Variants in ARPP21 observed in about 807,000 individuals in gnomAD.
ARPP21 encodes cAMP-regulated phosphoprotein 21.
Under a neutral mutation model 113.2 loss-of-function variants are expected in ARPP21, and 69 were observed. The observed-to-expected ratio is 0.61, with a 90% CI of 0.50 to 0.74. The LOEUF (loss-of-function observed/expected upper bound fraction) is 0.74, where lower values mean the gene tolerates loss of function less well. Ranked by LOEUF, ARPP21 falls within the 30% of genes least tolerant of loss-of-function variation. ARPP21 has a pLI of 0.00. For synonymous variants in ARPP21, 368 were observed against 375.5 expected (o/e 0.98, Z 0.23); for missense variants, 1,070 against 1,037.4 (o/e 1.03, Z -0.43).
chr3:35,653,192 C>T, intron 1 of ARPP21, among the ~76,000 whole-genome samples: 1 of 152,158 alleles, frequency 6.6e-6, no homozygotes, highest in Non-Finnish European at 1.5e-5. Flanking sequence ...ATGTCCATAC[C>T]TATCTACTTT....
At chr3:35,773,348 A>G (rs1477790752) in intron 19 of ARPP21, among the ~76,000 whole-genome samples, 1 of 152,126 alleles carries the variant, frequency 6.6e-6, no homozygotes, top group Non-Finnish European at 1.5e-5. Flanking sequence ...TTTACAGATG[A>G]TGGAAGTAGA....
At chr3:35,706,092 A>G (rs1259663980) in intron 9 of ARPP21, among the ~76,000 whole-genome samples, 2 of 152,162 alleles carry the variant, frequency 1.3e-5, no homozygotes, top group Admixed American at 6.5e-5. Context: ...TTCAGAAGTA[A>G]TATATCAGAT....
In ARPP21 at chr3:35,737,227, C is replaced by T. The variant is rs759756396; in HGVS notation, c.1509C>T (p.Pro503=). The T allele has an allele frequency of 5.6e-6, 9 of 1,613,066 alleles. No individual in the cohort carries two copies. In the East Asian group the frequency reaches 1.3e-4, roughly 24 times the overall value. The change falls in exon 16 of 21, where the codon CCC becomes CCT. Residue 503 remains proline (P), a synonymous_variant. Transcript: ENST00000684406. ...PDGTPAIYNP[P]TSQQPLRSAM... ...GAACTCCTGCAATATACAACCCACC[C>T]ACCAGTCAGCAGCCCCTGCGAAGCG...
At chr3:35,644,900 C>A (rs1699608899) in intron 1 of ARPP21, among the ~76,000 whole-genome samples, 1 of 151,784 alleles carries the variant, frequency 6.6e-6, no homozygotes, top group Non-Finnish European at 1.5e-5. Context: ...TGTATAACCC[C>A]CATTTAATAT....
intron 18 of ARPP21, among the ~76,000 whole-genome samples, chr3:35,741,921 G>A (rs1414355259): frequency 2.0e-5 from 3 of 152,062 alleles, no homozygotes; most frequent in African/African-American, 7.2e-5. Context: ...TAACCAAAGC[G>A]CCACCTTGGA....
chr3:35,707,851 CA>C lies in ARPP21; in HGVS notation c.795+781del, dbSNP rs201653445. Among the ~76,000 whole-genome samples, 1,068 of 133,600 alleles carry C rather than the reference CA, an allele frequency of 8.0e-3. 5 individuals carry two copies. Among genetic ancestry groups the C allele is most frequent in the East Asian group, 0.038 (176 of 4,632 alleles). The allele number at this position is 133,600 out of a possible 152,430, so 87.6% of individuals were successfully genotyped here. On this transcript the variant is annotated intron_variant, in intron 10 of 20. Coordinates refer to ENST00000684406, the MANE Select transcript of ARPP21 (RefSeq NM_001385562.1). ...GATTAGAAGAAAGCTAAGTAAATGG[CA>C]AAAAAAAAAAATTCCATAAATTTTT... is the stretch of plus-strand genomic sequence containing the variant.
At chr3:35,664,478 T>C (rs1205785409) in intron 1 of ARPP21, among the ~76,000 whole-genome samples, 1 of 152,178 alleles carries the variant, frequency 6.6e-6, no homozygotes, top group African/African-American at 2.4e-5. Flanking sequence ...TGGTAACTGC[T>C]ATTCTATCAT....
chr3:35,668,632 C>T (rs1036143495), intron 1 of ARPP21, among the ~76,000 whole-genome samples: 3 of 152,034 alleles, frequency 2.0e-5, no homozygotes, highest in Non-Finnish European at 4.4e-5. Flanking sequence ...TGCAAATTGC[C>T]AAGATTCAAA....
intron 19 of ARPP21, among the ~76,000 whole-genome samples, chr3:35,755,562 A>G (rs1396349134): frequency 6.6e-6 from 1 of 152,054 alleles, no homozygotes; most frequent in Non-Finnish European, 1.5e-5. Flanking sequence ...ATTATTCCAG[A>G]GACAGTCTCA....
In ARPP21 at chr3:35,792,293, G is replaced by A. The variant is rs1204735308; in HGVS notation, c.2138-89G>A. On this transcript the variant is annotated intron_variant, in intron 19 of 20. Coordinates refer to ENST00000684406, the MANE Select transcript of ARPP21 (RefSeq NM_001385562.1). ...GAATGTGGAGACTGAGATGTCTGAAGGCTGCCTTTTGAACCAGTAGTTTTA... is the reference window on the plus strand; with the variant it reads ...GAATGTGGAGACTGAGATGTCTGAAAGCTGCCTTTTGAACCAGTAGTTTTA... The A allele has an allele frequency of 3.6e-6, 4 of 1,113,040 alleles. No individual in the cohort carries two copies. In the East Asian group the frequency reaches 9.5e-5, roughly 26 times the overall value. The allele number at this position is 1,113,040 out of a possible 1,614,324, so 68.9% of individuals were successfully genotyped here. A position where few individuals can be genotyped will look rare whatever the true frequency, so the allele number is the denominator to read the frequency against.
chr3:35,737,405 A>T, intron 16 of ARPP21, 43 bp downstream of exon 16: 1 of 1,388,472 alleles, frequency 7.2e-7, no homozygotes, highest in Non-Finnish European at 1.0e-6. Context: ...GTACCCTGAG[A>T]TGAAGGCTAC....
intron 1 of ARPP21, among the ~76,000 whole-genome samples, chr3:35,649,945 T>C (rs1318446204): frequency 6.6e-5 from 10 of 152,142 alleles, no homozygotes; most frequent in Admixed American, 5.9e-4. Flanking sequence ...TTAATTTGTT[T>C]CCAACATTTT....
intron 19 of ARPP21, among the ~76,000 whole-genome samples, chr3:35,766,232 C>T (rs1351199387): frequency 6.6e-6 from 1 of 152,134 alleles, no homozygotes; most frequent in African/African-American, 2.4e-5. Flanking sequence ...TGGTTAAATA[C>T]AGCCACATGG....
intron 15 of ARPP21, among the ~76,000 whole-genome samples, chr3:35,736,771 T>C (rs1320921474): frequency 6.6e-6 from 1 of 152,194 alleles, no homozygotes; most frequent in African/African-American, 2.4e-5. Flanking sequence ...TGAATGTAGC[T>C]GGAGGTGTGT....
intron 19 of ARPP21, among the ~76,000 whole-genome samples, chr3:35,750,325 C>T (rs1559847037): frequency 1.3e-5 from 2 of 151,584 alleles, no homozygotes; most frequent in African/African-American, 4.8e-5. Flanking sequence ...ATCTTTGGCC[C>T]GTGGATTATT....
Position 35,739,542 on chromosome 3 carries a change from C to A in ARPP21, c.1975C>A (p.Pro659Thr). ...GCAGGTCCTCCAGCCCCCTCCCTCA[C>A]CACAGGGATTTGTGCAACAGCCTCC... ...SQQVLQPPPS[P>T]QGFVQQPPPA... The change falls in exon 18 of 21, where the codon CCA (proline) becomes ACA (threonine). Residue 659 changes from proline (P) to threonine (T), a missense_variant. Coordinates refer to ENST00000684406, the MANE Select transcript of ARPP21 (RefSeq NM_001385562.1). The A allele has an allele frequency of 6.2e-7, 1 of 1,613,846 alleles. No homozygotes were observed. The highest frequency in any genetic ancestry group is 8.5e-7 in the Non-Finnish European group (1 of 1,179,854).
intron 15 of ARPP21, among the ~76,000 whole-genome samples, chr3:35,734,852 G>A (rs954052327): frequency 1.3e-5 from 2 of 152,158 alleles, no homozygotes; most frequent in Admixed American, 6.5e-5. Flanking sequence ...CACATCTGAA[G>A]TCCAGACCTT....
chr3:35,761,931 C>T (rs2095792364), intron 19 of ARPP21, among the ~76,000 whole-genome samples: 1 of 152,104 alleles, frequency 6.6e-6, no homozygotes, highest in South Asian at 2.1e-4. Context: ...AAGACACAGA[C>T]TGGCATCATT....
chr3:35,713,113 G>A (rs1038116019), intron 11 of ARPP21, among the ~76,000 whole-genome samples: 4 of 152,082 alleles, frequency 2.6e-5, no homozygotes, highest in East Asian at 1.9e-4. Context: ...AAGCAAAATC[G>A]TTTTTCTTCT....
Sources: gnomAD v4.1 joint callset for allele counts (sites outside exome capture counted in the v4.1 genomes callset) on GRCh38, gnomAD v4.1.1 for gene constraint, MANE v1.5 for transcripts, NCBI Gene and HGNC (gene_info 2026-07-23, HGNC 2026-07-21) for gene names.